ARID3B: variants seen among roughly 807,000 people sequenced by gnomAD.
ARID3B encodes AT-rich interaction domain 3B, also known as AT-rich interactive domain-containing protein 3B.
ARID3B carries 10 observed loss-of-function variants against 51.9 expected under a neutral mutation model. The ratio of observed to expected loss-of-function variants is 0.19; its 90% confidence interval spans 0.12 to 0.33. ARID3B has a LOEUF of 0.33. ARID3B is among the 10% of genes least tolerant of loss of function. ARID3B has a pLI of 1.00. For synonymous variants in ARID3B, 205 were observed against 279.5 expected (o/e 0.73, Z 2.66); for missense variants, 483 against 716.3 (o/e 0.67, Z 3.72).
rs2061605152 is a variant in ARID3B, at chr15:74,544,097, C to T, written c.161C>T (p.Ser54Phe). 1.9e-6 allele frequency: 3 copies of T among 1,613,988 alleles called. No homozygotes were observed. Among genetic ancestry groups the T allele is most frequent in the Admixed American group, 1.7e-5 (1 of 60,012 alleles). The change falls in exon 2 of 9, where the codon TCC becomes TTC. Residue 54 changes from serine to phenylalanine, a missense_variant. Coordinates refer to ENST00000346246, the MANE Select transcript of ARID3B (RefSeq NM_006465.4). ...CTGGTCACACAGCCGACTCTCCTTT[C>T]CGCCACAGCTGGGAGACCTTCTGGC... is the stretch of plus-strand genomic sequence containing the variant. ...QKLVTQPTLL[S>F]ATAGRPSGST... is the part of the protein sequence containing the mutation.
intron 4 of ARID3B, among the ~76,000 whole-genome samples, chr15:74,579,827 C>CTG (rs1883594870): frequency 1.0e-5 from 1 of 100,232 alleles, no homozygotes; most frequent in Non-Finnish European, 2.4e-5. Context: ...TCACCTGTTG[C>CTG]CGTGTGTGTG....
At chr15:74,552,112 A>G (rs1329976307) in intron 2 of ARID3B, among the ~76,000 whole-genome samples, 2 of 121,730 alleles carry the variant, frequency 1.6e-5, no homozygotes, top group African/African-American at 6.6e-5. Context: ...CCCAGGCTAG[A>G]GTGCTGTGGC....
intron 2 of ARID3B, among the ~76,000 whole-genome samples, chr15:74,556,499 G>A (rs1014326998): frequency 6.6e-6 from 1 of 152,172 alleles, no homozygotes; most frequent in African/African-American, 2.4e-5. Flanking sequence ...AAGTGAGCAC[G>A]TGCTGTTAGA....
At chr15:74,592,338 C>G (rs747887671) in intron 7 of ARID3B, among the ~76,000 whole-genome samples, 1 of 152,226 alleles carries the variant, frequency 6.6e-6, no homozygotes, top group Non-Finnish European at 1.5e-5. Context: ...GCCCCACATT[C>G]TCTTCCTCAA....
chr15:74,567,383 T>G (rs2061703028), intron 2 of ARID3B, among the ~76,000 whole-genome samples: 1 of 152,212 alleles, frequency 6.6e-6, no homozygotes, highest in African/African-American at 2.4e-5. Context: ...ATATGCTATA[T>G]GTGTTCAGTT....
At chr15:74,564,313 C>A (rs1370125208) in intron 2 of ARID3B, among the ~76,000 whole-genome samples, 2 of 152,224 alleles carry the variant, frequency 1.3e-5, no homozygotes, top group African/African-American at 4.8e-5. Context: ...TCAGTTAAAA[C>A]TGGTATGAGG....
chr15:74,578,179 GTT>G (rs200505620), intron 4 of ARID3B, among the ~76,000 whole-genome samples: 1 of 140,922 alleles, frequency 7.1e-6, no homozygotes, highest in Non-Finnish European at 1.5e-5. Flanking sequence ...GTTTTTTTTT[GTT>G]TTTTTTGTTT....
At chr15:74,586,159 G>A (rs1042684711) in intron 4 of ARID3B, among the ~76,000 whole-genome samples, 1 of 152,226 alleles carries the variant, frequency 6.6e-6, no homozygotes, top group Non-Finnish European at 1.5e-5. Flanking sequence ...GGGTGGAGCT[G>A]GGCCACACAG....
intron 2 of ARID3B, among the ~76,000 whole-genome samples, chr15:74,565,833 G>A (rs58513834): frequency 6.6e-6 from 1 of 151,848 alleles, no homozygotes; most frequent in Non-Finnish European, 1.5e-5. Context: ...CTCATTGGAA[G>A]ATTGGCAGTA....
chr15:74,553,637 A>G (rs1171615081), intron 2 of ARID3B, among the ~76,000 whole-genome samples: 11 of 152,176 alleles, frequency 7.2e-5, no homozygotes, highest in Admixed American at 6.5e-4. Flanking sequence ...CATGGTATCA[A>G]TTCTCTGAAA....
rs749888609 is a variant in ARID3B at position 74,595,683 on chromosome 15, C to CCAG, written c.1606_1608dup (p.Ser537dup). 163 of 1,613,002 alleles carry CCAG rather than the reference C, an allele frequency of 1.0e-4. No individual in the cohort carries two copies. Among genetic ancestry groups the CCAG allele is most frequent in the Non-Finnish European group, 1.3e-4 (150 of 1,179,212 alleles). ...GCTCCCCAGAGCCTCGGCAGCAGCG[C>CCAG]CAGCAGCAGCAGCAGCTCTCACTGT... On this transcript the variant is annotated inframe_insertion, in exon 9 of 9. Transcript: ENST00000346246.
intron 2 of ARID3B, among the ~76,000 whole-genome samples, chr15:74,568,257 G>A (rs946187609): frequency 3.9e-5 from 6 of 152,236 alleles, no homozygotes; most frequent in African/African-American, 7.2e-5. Flanking sequence ...GCTGCCCAGT[G>A]CCATGACATG....
intron 4 of ARID3B, among the ~76,000 whole-genome samples, chr15:74,579,322 A>T (rs1049272665): frequency 6.6e-6 from 1 of 152,140 alleles, no homozygotes; most frequent in African/African-American, 2.4e-5. Flanking sequence ...GCGCATAAAG[A>T]AGCCTGAGAA....
In ARID3B at chr15:74,572,848, T is replaced by C; in HGVS notation, c.553-14T>C. 6.2e-7 allele frequency: 1 copy of C among 1,613,964 alleles called. No homozygotes were observed. ...CCTTTGCCCCTCTCAACTTTGTGTT[T>C]TGTTCCCTTTTAGAATGGTGGTTTG... is the stretch of plus-strand genomic sequence containing the variant. On this transcript the variant is annotated splice_polypyrimidine_tract_variant and intron_variant, in intron 2 of 8. Transcript: ENST00000346246.
At chr15:74,570,462 C>CAAAAAAAAAAAAA (rs71137395) in intron 2 of ARID3B, among the ~76,000 whole-genome samples, 5 of 64,612 alleles carry the variant, frequency 7.7e-5, no homozygotes, top group Non-Finnish European at 1.3e-4. Context: ...CTATAATTAG[C>CAAAAAAAAAAAAA]AAAAAAAAAA....
intron 4 of ARID3B, chr15:74,573,746 C>CTTT: frequency 6.9e-6 from 1 of 145,722 alleles, no homozygotes; most frequent in Non-Finnish European, 1.5e-5. Flanking sequence ...AGGCATCTGC[C>CTTT]TTTTTTTTTT....
chr15:74,579,590 C>A (rs1486168016), intron 4 of ARID3B, among the ~76,000 whole-genome samples: 2 of 152,052 alleles, frequency 1.3e-5, no homozygotes, highest in African/African-American at 4.8e-5. Context: ...GAAGAAAAGC[C>A]CCTTTAGCAG....
chr15:74,544,038 G>C lies in ARID3B; in HGVS notation c.102G>C (p.Gln34His). The stretch of plus-strand genomic sequence containing the variant: ...ATGCCAGAGAGAAGCAGGGCCAGCA[G>C]ATGAGAGAAGCCCAGTTCTTGTATG... The part of the protein sequence containing the change: ...QMDAREKQGQ[Q>H]MREAQFLYAQ... Residue 34 changes from glutamine to histidine, a missense_variant, in exon 2 of 9, where the codon CAG becomes CAC. Physicochemically the swap from Gln to His is conservative, Grantham distance 24. Transcript: ENST00000346246. 1 of 1,613,000 alleles carries C rather than the reference G, an allele frequency of 6.2e-7. No homozygotes were observed. Among genetic ancestry groups the C allele is most frequent in the Non-Finnish European group, 8.5e-7 (1 of 1,179,478 alleles).
At chr15:74,546,851 G>T (rs561935614) in intron 2 of ARID3B, among the ~76,000 whole-genome samples, 5 of 152,244 alleles carry the variant, frequency 3.3e-5, no homozygotes, top group African/African-American at 1.2e-4. Flanking sequence ...AGATGTGCAC[G>T]TCCTTTTCCC....
Sources: allele counts gnomAD v4.1 joint callset (sites outside exome capture counted in the v4.1 genomes callset), GRCh38; gene constraint gnomAD v4.1.1; transcripts MANE v1.5; gene names NCBI Gene and HGNC (gene_info 2026-07-23, HGNC 2026-07-21).